The following ZDHHC14 variants were observed in gnomAD, a reference collection of about 807,000 sequenced individuals.
ZDHHC14 encodes palmitoyltransferase ZDHHC14.
A neutral mutation model predicts 47.7 loss-of-function variants in ZDHHC14; 16 were observed. That is an observed-to-expected ratio of 0.34 (90% CI 0.23 to 0.51). The LOEUF (loss-of-function observed/expected upper bound fraction) is 0.51, where lower values mean the gene tolerates loss of function less well. ZDHHC14 is among the 20% of genes least tolerant of loss of function. The probability of loss-of-function intolerance (pLI) is 0.97; values close to 1 mark genes in which losing one functional copy is unlikely to be tolerated. For synonymous variants in ZDHHC14, 293 were observed against 278.9 expected, an observed-to-expected ratio of 1.05 and a Z score of -0.50; for missense variants, 515 against 662.5, an observed-to-expected ratio of 0.78 and a Z score of 2.44.
intron 3 of ZDHHC14, among the ~76,000 whole-genome samples, chr6:157,623,891 G>A (rs1183268835): frequency 6.6e-6 from 1 of 152,120 alleles, no homozygotes; most frequent in Non-Finnish European, 1.5e-5. Flanking sequence ...TGATACTGTG[G>A]TATAAAGACC....
intron 5 of ZDHHC14, among the ~76,000 whole-genome samples, chr6:157,637,618 G>GT (rs1331697347): frequency 6.6e-6 from 1 of 152,220 alleles, no homozygotes; most frequent in Non-Finnish European, 1.5e-5. Context: ...ACTGAAGGAA[G>GT]TTTCCCAGCT....
At chr6:157,550,245 G>A (rs1336469727) in intron 2 of ZDHHC14, among the ~76,000 whole-genome samples, 6 of 152,128 alleles carry the variant, frequency 3.9e-5, no homozygotes, top group African/African-American at 7.2e-5. Flanking sequence ...AGCGACCGCA[G>A]CATCACACAG....
intron 1 of ZDHHC14, among the ~76,000 whole-genome samples, chr6:157,478,920 T>A (rs567209660): frequency 8.5e-5 from 13 of 152,334 alleles, no homozygotes; most frequent in African/African-American, 3.1e-4. Flanking sequence ...ATGAATTACA[T>A]GAAGCCTCTA....
At chr6:157,643,676 T>TATATATATATATATATATA (rs1777374150) in intron 5 of ZDHHC14, among the ~76,000 whole-genome samples, 1 of 125,574 alleles carries the variant, frequency 8.0e-6, no homozygotes, top group Non-Finnish European at 1.7e-5. Context: ...TATATATATA[T>TATATATATATATATATATA]GCTGTATTTT....
chr6:157,604,597 G>A (rs1176299236), intron 3 of ZDHHC14, among the ~76,000 whole-genome samples: 4 of 145,446 alleles, frequency 2.8e-5, no homozygotes, highest in African/African-American at 1.0e-4. Context: ...GCCCAGGCTG[G>A]AGTGCAGTGG....
chr6:157,649,481 C>T (rs934849371), intron 7 of ZDHHC14, among the ~76,000 whole-genome samples: 9 of 152,190 alleles, frequency 5.9e-5, no homozygotes, highest in African/African-American at 2.2e-4. Flanking sequence ...TCTTGCCTTG[C>T]CCTTCCGCTG....
chr6:157,451,345 A>C (rs9379316), intron 1 of ZDHHC14, among the ~76,000 whole-genome samples: 32,738 of 152,154 alleles, frequency 0.22, 3,785 homozygotes, highest in African/African-American at 0.26. Context: ...GAGAAAGGTG[A>C]AATCTATACC....
chr6:157,421,533 C>T (rs1452803286), intron 1 of ZDHHC14, among the ~76,000 whole-genome samples: 1 of 149,466 alleles, frequency 6.7e-6, no homozygotes, highest in Non-Finnish European at 1.5e-5. Context: ...AAGCAAACTG[C>T]TCAGTGTACT....
At chr6:157,531,473 C>T (rs1273081986) in intron 1 of ZDHHC14, among the ~76,000 whole-genome samples, 1 of 152,078 alleles carries the variant, frequency 6.6e-6, no homozygotes, top group Non-Finnish European at 1.5e-5. Flanking sequence ...CTGACACCCC[C>T]TCCAGAAAGG....
chr6:157,501,739 T>G (rs1780197493), intron 1 of ZDHHC14, among the ~76,000 whole-genome samples: 1 of 152,234 alleles, frequency 6.6e-6, no homozygotes, highest in Admixed American at 6.5e-5. Flanking sequence ...GAGCTGGTAG[T>G]TTGTAGCAGA....
At chr6:157,442,673 C>T (rs898862059) in intron 1 of ZDHHC14, among the ~76,000 whole-genome samples, 2 of 152,140 alleles carry the variant, frequency 1.3e-5, no homozygotes, top group African/African-American at 2.4e-5. Flanking sequence ...CTGGAGGGCA[C>T]GAGGTTACGT....
At chr6:157,479,491 C>T (rs1487176190) in intron 1 of ZDHHC14, among the ~76,000 whole-genome samples, 1 of 152,156 alleles carries the variant, frequency 6.6e-6, no homozygotes, top group East Asian at 1.9e-4. Context: ...CTGGAAATGC[C>T]CTCCTGCTGG....
chr6:157,481,983 G>A (rs1249426020), intron 1 of ZDHHC14, among the ~76,000 whole-genome samples: 1 of 152,184 alleles, frequency 6.6e-6, no homozygotes, highest in Non-Finnish European at 1.5e-5. Flanking sequence ...GAAGACTTGA[G>A]CTCAGAGAGT....
chr6:157,467,920 G>C (rs1255278114), intron 1 of ZDHHC14, among the ~76,000 whole-genome samples: 1 of 152,118 alleles, frequency 6.6e-6, no homozygotes, highest in African/African-American at 2.4e-5. Flanking sequence ...GGATATTTGA[G>C]TTGGTTCCAC....
chr6:157,518,369 T>C (rs1008321347), intron 1 of ZDHHC14, among the ~76,000 whole-genome samples: 3 of 107,760 alleles, frequency 2.8e-5, no homozygotes, highest in African/African-American at 1.1e-4. Context: ...GTCATTGAGC[T>C]CTCCAGGGGC....
At position 157,415,075 on chromosome 6, in the gene ZDHHC14, G is replaced by A. The variant is rs188387303; in HGVS notation, c.245+32809G>A. ...GGGGGGATGTTGGCAGAGAAAGTGT[G>A]TGCTAGGCTGGTCCCACTTACTGTC... On this transcript the variant is annotated intron_variant, in intron 1 of 8. Coordinates refer to ENST00000359775, the MANE Select transcript of ZDHHC14 (RefSeq NM_024630.3). 4.6e-5 allele frequency among the ~76,000 whole-genome samples: 7 copies of A among 152,240 alleles called. No homozygotes were observed. In the East Asian group the frequency reaches 1.4e-3, roughly 29 times the overall value.
rs1001750777 is a variant in ZDHHC14, at chr6:157,382,153, G to A, written c.132G>A (p.Pro44=). ...IAARRKWEVF[P]GRNKFFCNGR... ...CCCGGAGGAAATGGGAGGTGTTCCC[G>A]GGAAGAAACAAGTTCTTCTGTAACG... The change falls in exon 1 of 9, where the codon CCG becomes CCA. Residue 44 remains proline (P), a synonymous_variant. Coordinates refer to ENST00000359775, the MANE Select transcript of ZDHHC14 (RefSeq NM_024630.3). 9 of 1,613,550 alleles carry A rather than the reference G, an allele frequency of 5.6e-6. No individual in the cohort carries two copies. The highest frequency in any genetic ancestry group is 1.3e-5 in the African/African-American group (1 of 74,842).
intron 1 of ZDHHC14, among the ~76,000 whole-genome samples, chr6:157,417,593 G>A (rs1778008969): frequency 6.6e-6 from 1 of 152,184 alleles, no homozygotes; most frequent in South Asian, 2.1e-4. Context: ...GTGTGCCTTT[G>A]TTTGTAGGAT....
chr6:157,403,086 T>TA (rs11287189), intron 1 of ZDHHC14, among the ~76,000 whole-genome samples: 2 of 152,068 alleles, frequency 1.3e-5, no homozygotes, highest in Non-Finnish European at 2.9e-5. Context: ...CATTGTACAA[T>TA]AAAAAAATTA....
Sources: allele counts gnomAD v4.1 joint callset (sites outside exome capture counted in the v4.1 genomes callset), GRCh38; gene constraint gnomAD v4.1.1; transcripts MANE v1.5; gene names NCBI Gene and HGNC (gene_info 2026-07-23, HGNC 2026-07-21).